Variants in PASK observed in about 807,000 individuals in gnomAD.
PASK encodes PAS domain-containing serine/threonine-protein kinase.
Under a neutral mutation model 121.0 loss-of-function variants are expected in PASK, and 110 were observed. The ratio of observed to expected loss-of-function variants is 0.91; its 90% CI spans 0.78 to 1.06. The LOEUF (loss-of-function observed/expected upper bound fraction) is 1.06, where lower values mean the gene tolerates loss of function less well. PASK is among the 50% of genes least tolerant of loss of function. The pLI is 0.00. For missense variants in PASK, 1,643 were observed against 1,702.3 expected (o/e 0.97, Z 0.61); for synonymous variants, 686 against 717.8 (o/e 0.96, Z 0.71).
At chr2:241,147,416 G>A (rs1050095445) in intron 1 of PASK, among the ~76,000 whole-genome samples, 9 of 152,046 alleles carry the variant, frequency 5.9e-5, no homozygotes, top group Admixed American at 5.2e-4. Context: ...CCAGGAGTTC[G>A]AGATCAGCCT....
chr2:241,109,256 T>C (rs999955406), intron 15 of PASK: 5 of 152,414 alleles, frequency 3.3e-5, no homozygotes, highest in African/African-American at 1.2e-4. Context: ...CCTAGCAAGA[T>C]AAATATGACT....
intron 12 of PASK, among the ~76,000 whole-genome samples, chr2:241,122,121 G>A (rs911346065): frequency 2.9e-4 from 44 of 151,966 alleles, no homozygotes; most frequent in African/African-American, 1.0e-3. Context: ...GCTGGGGTTG[G>A]AGAAAAATTA....
intron 1 of PASK, among the ~76,000 whole-genome samples, chr2:241,148,824 G>A (rs1447580241): frequency 6.6e-6 from 1 of 152,208 alleles, no homozygotes; most frequent in Non-Finnish European, 1.5e-5. Flanking sequence ...AATGGACATC[G>A]AATGGTACTG....
In PASK at chr2:241,112,095, A is replaced by G; in HGVS notation, c.3533+145T>C. The G allele has an allele frequency of 1.4e-6, 1 of 718,960 alleles. No homozygotes were observed. Among genetic ancestry groups the G allele is most frequent in the Non-Finnish European group, 2.5e-6 (1 of 396,822 alleles). 44.5% of individuals were successfully genotyped at this position (718,960 alleles called of 1,614,324 possible). On this transcript the variant is annotated intron_variant, in intron 15 of 17. Coordinates refer to ENST00000234040, the MANE Select transcript of PASK (RefSeq NM_015148.4). The surrounding 1 kb of genome is among the most constrained non-coding windows in gnomAD (Gnocchi z 5.2). ...CCAATATGACCTTGCCTGCCTGCCCACTTACTTTCCAGCATATCACCCTGA... is the reference window on the plus strand; with the variant it reads ...CCAATATGACCTTGCCTGCCTGCCCGCTTACTTTCCAGCATATCACCCTGA...
At chr2:241,139,831 C>T (rs1035776680) in intron 4 of PASK, 54 bp downstream of exon 4, 2 of 1,560,406 alleles carry the variant, frequency 1.3e-6, no homozygotes, top group African/African-American at 1.4e-5. Context: ...GCTGTTCCTG[C>T]CACACACTGC....
In PASK at chr2:241,124,045, T is replaced by C. The variant is rs56113344; in HGVS notation, c.2808A>G (p.Gln936=). The C allele has an allele frequency of 2.8e-4, 458 of 1,613,458 alleles. No homozygotes were observed. The highest frequency in any genetic ancestry group is 6.0e-4 in the Admixed American group (36 of 59,988). ...GGCGGGTCCTGGCGGCTGAGTCGCG[T>C]TGGCTGTGGAGGAGGTCTTTCACCA... ...CWLVKDLLHS[Q]RDSAARTRLF... The change falls in exon 11 of 18, where the codon CAA becomes CAG. Residue 936 remains glutamine, a synonymous_variant. Transcript: ENST00000234040.
chr2:241,126,187 G>T lies in PASK; in HGVS notation c.2719+9C>A. On this transcript the variant is annotated intron_variant, in intron 10 of 17. Coordinates refer to ENST00000234040, the MANE Select transcript of PASK (RefSeq NM_015148.4). ...CACCACACTTCTTCCTATGGGGCCC[G>T]GGACATACTCAGCCGTAAGCCATCT... 1 of 1,613,446 alleles carries T rather than the reference G, an allele frequency of 6.2e-7. No individual in the cohort carries two copies. Among genetic ancestry groups the T allele is most frequent in the Non-Finnish European group, 8.5e-7 (1 of 1,179,630 alleles).
intron 12 of PASK, among the ~76,000 whole-genome samples, chr2:241,120,218 C>T (rs2065545445): frequency 6.6e-6 from 1 of 152,092 alleles, no homozygotes; most frequent in South Asian, 2.1e-4. Context: ...CAGGGCCAGG[C>T]ACAGTGGCTC....
intron 12 of PASK, chr2:241,118,834 A>G (rs922048153): frequency 2.9e-6 from 2 of 692,296 alleles, no homozygotes; most frequent in Non-Finnish European, 3.8e-6. Flanking sequence ...TGTGGTGTAC[A>G]CACCCCGCAC....
chr2:241,125,231 G>A (rs1013133768), intron 10 of PASK, among the ~76,000 whole-genome samples: 1 of 151,962 alleles, frequency 6.6e-6, no homozygotes, highest in Non-Finnish European at 1.5e-5. Context: ...AACCCAGGAG[G>A]CGGAGGTTGC....
At chr2:241,128,665 G>A (rs1221054115) in intron 9 of PASK, among the ~76,000 whole-genome samples, 2 of 152,158 alleles carry the variant, frequency 1.3e-5, no homozygotes, top group Admixed American at 6.5e-5. Context: ...CCAGGAGTTC[G>A]AGACCAGCCT....
chr2:241,123,894 A>G, intron 11 of PASK, 55 bp downstream of exon 11: 2 of 1,427,458 alleles, frequency 1.4e-6, no homozygotes, highest in Admixed American at 1.7e-5. Flanking sequence ...CAACTAGGAT[A>G]TTTGCCACAC....
intron 10 of PASK, among the ~76,000 whole-genome samples, chr2:241,125,840 GGA>G (rs537683303): frequency 1.4e-4 from 21 of 152,176 alleles, no homozygotes; most frequent in African/African-American, 3.9e-4. Flanking sequence ...GGTGGGAGGT[GGA>G]GAGACAGACT....
At chr2:241,114,506 CT>C (rs2065242892) in intron 14 of PASK, 2 of 1,000,560 alleles carry the variant, frequency 2.0e-6, no homozygotes, top group Admixed American at 1.1e-4. Context: ...GCTAGGGTGC[CT>C]TCCTATTTGG....
intron 11 of PASK, among the ~76,000 whole-genome samples, 177 bp from the exon 12 acceptor site, chr2:241,123,076 C>A (rs1370399990): frequency 2.0e-5 from 3 of 152,282 alleles, no homozygotes; most frequent in Non-Finnish European, 2.9e-5. Context: ...CACAGGGCAC[C>A]CCAAGCAGCC....
rs2125404689 is a variant in PASK, at chr2:241,112,805, T to C, written c.3334-366A>G. ...CAAAGCCACAGCTCAAAGACACTCA[T>C]GGTGGGCAAGTGAATGGGTGCAGGT... On this transcript the variant is annotated intron_variant, in intron 14 of 17. Transcript: ENST00000234040. The surrounding 1 kb of genome is among the most constrained non-coding windows in gnomAD (Gnocchi z 5.2). 6.8e-6 allele frequency: 2 copies of C among 293,104 alleles called. 1 individual carries two copies. Among genetic ancestry groups the C allele is most frequent in the Non-Finnish European group, 1.3e-5 (2 of 152,668 alleles). The allele number at this position is 293,104 out of a possible 1,614,324, so 18.2% of individuals were successfully genotyped here.
At chr2:241,106,893 A>G (rs905385314) in intron 17 of PASK, among the ~76,000 whole-genome samples, 170 bp from the exon 18 acceptor site, 1 of 152,256 alleles carries the variant, frequency 6.6e-6, no homozygotes, top group Non-Finnish European at 1.5e-5. Flanking sequence ...ATCTAAGCCC[A>G]GGGCCATCAA....
At chr2:241,107,119 C>T (rs2064919481) in intron 17 of PASK, among the ~76,000 whole-genome samples, 2 of 152,202 alleles carry the variant, frequency 1.3e-5, no homozygotes, top group Non-Finnish European at 2.9e-5. Flanking sequence ...TGACACCTGC[C>T]CACCCTCCAA....
At chr2:241,110,280 C>T (rs556717753) in intron 15 of PASK, among the ~76,000 whole-genome samples, 1 of 152,320 alleles carries the variant, frequency 6.6e-6, no homozygotes, top group East Asian at 1.9e-4. Flanking sequence ...AGCAGAATGG[C>T]AGCTGCCAGG....
Sources: gnomAD v4.1 joint callset for allele counts (sites outside exome capture counted in the v4.1 genomes callset) on GRCh38, gnomAD v4.1.1 for gene constraint, Gnocchi (gnomAD v3.1) non-coding constraint, MANE v1.5 for transcripts, NCBI Gene and HGNC (gene_info 2026-07-23, HGNC 2026-07-21) for gene names.